Variants in ERC2 observed in about 807,000 individuals in gnomAD.
ERC2 encodes the protein ELKS/RAB6-interacting/CAST family member 2, also known as ERC protein 2.
ERC2 carries 42 observed loss-of-function variants against 114.8 expected under a neutral mutation model. The observed-to-expected ratio is 0.37, with a 90% confidence interval of 0.29 to 0.47. The LOEUF (loss-of-function observed/expected upper bound fraction) is 0.47, where lower values mean the gene tolerates loss of function less well. Ranked by LOEUF, ERC2 falls within the 20% of genes least tolerant of loss-of-function variation. The pLI is 0.99. For missense variants in ERC2, 939 were observed against 1,150.7 expected, an observed-to-expected ratio of 0.82 and a Z score of 2.66; for synonymous variants, 454 against 425.5, an observed-to-expected ratio of 1.07 and a Z score of -0.82.
At chr3:56,043,710 C>A (rs1256271587) in intron 7 of ERC2, among the ~76,000 whole-genome samples, 1 of 152,108 alleles carries the variant, frequency 6.6e-6, no homozygotes, top group Non-Finnish European at 1.5e-5. Context: ...CCCTCTAACT[C>A]TATTCTAAAC....
intron 15 of ERC2, among the ~76,000 whole-genome samples, chr3:55,707,594 T>A (rs1476365729): frequency 6.6e-6 from 1 of 152,220 alleles, no homozygotes; most frequent in East Asian, 1.9e-4. Context: ...AAGAGTTCTA[T>A]GTGCTCTGCT....
chr3:56,402,491 C>A (rs1002072495), intron 2 of ERC2, among the ~76,000 whole-genome samples: 1 of 152,112 alleles, frequency 6.6e-6, no homozygotes, highest in Admixed American at 6.5e-5. Flanking sequence ...AAAGTCAAGT[C>A]CCGCCTCCTA....
chr3:55,914,028 T>G (rs1418889927), intron 13 of ERC2, among the ~76,000 whole-genome samples: 1 of 152,176 alleles, frequency 6.6e-6, no homozygotes, highest in East Asian at 1.9e-4. Flanking sequence ...AATTTTTTTT[T>G]TTTTAAAGAT....
At chr3:55,604,555 C>T (rs1005337263) in intron 17 of ERC2, among the ~76,000 whole-genome samples, 2 of 152,112 alleles carry the variant, frequency 1.3e-5, no homozygotes, top group African/African-American at 4.8e-5. Context: ...TGCAGCATGG[C>T]ACGGCACTGG....
intron 17 of ERC2, chr3:55,657,617 G>C (rs756244512): frequency 3.0e-4 from 46 of 151,952 alleles, no homozygotes; most frequent in African/African-American, 1.1e-3. Context: ...CACCATGCCC[G>C]GCTAATTTTT....
intron 3 of ERC2, among the ~76,000 whole-genome samples, chr3:56,291,609 T>G (rs538797123): frequency 1.3e-5 from 2 of 152,206 alleles, no homozygotes; most frequent in Admixed American, 1.3e-4. Flanking sequence ...CCACTAGCAC[T>G]CCATTCCCCA....
At chr3:56,413,086 C>G (rs1464043338) in intron 2 of ERC2, among the ~76,000 whole-genome samples, 3 of 152,164 alleles carry the variant, frequency 2.0e-5, no homozygotes, top group African/African-American at 4.8e-5. Flanking sequence ...AGCCAGAGAC[C>G]AGGACATTGA....
In ERC2 at chr3:55,631,454, A is replaced by G. The variant is rs892056252; in HGVS notation, c.*39+52340T>C. Among the ~76,000 whole-genome samples, 6 of 152,316 alleles carry G rather than the reference A, an allele frequency of 3.9e-5. No individual in the cohort carries two copies. In the South Asian group the frequency reaches 1.0e-3, roughly 26 times the overall value. On this transcript the variant is annotated intron_variant, in intron 17 of 17. Transcript: ENST00000288221. ...TTGTGGACCTTCCAGGAAGAAAGGA[A>G]AAATATTGCCTGACACCTCCAGGTT...
intron 6 of ERC2, among the ~76,000 whole-genome samples, chr3:56,084,558 A>G (rs1015143390): frequency 6.6e-6 from 1 of 152,196 alleles, no homozygotes; most frequent in Non-Finnish European, 1.5e-5. Flanking sequence ...AGCAACCTGG[A>G]TGGAACTTCA....
intron 6 of ERC2, among the ~76,000 whole-genome samples, chr3:56,106,399 G>A (rs2078666636): frequency 6.6e-6 from 1 of 152,224 alleles, no homozygotes; most frequent in African/African-American, 2.4e-5. Context: ...TGGGAAGAAG[G>A]AACCAAAAGT....
intron 14 of ERC2, among the ~76,000 whole-genome samples, chr3:55,797,822 ATAAT>A (rs1446479809): frequency 6.6e-6 from 1 of 152,236 alleles, no homozygotes; most frequent in Admixed American, 6.5e-5. Context: ...TAGAAATAAA[ATAAT>A]TAAATGAAAA....
intron 12 of ERC2, among the ~76,000 whole-genome samples, chr3:55,961,107 C>G (rs1400811057): frequency 6.6e-6 from 1 of 152,226 alleles, no homozygotes; most frequent in Non-Finnish European, 1.5e-5. Context: ...AATGAAAGAA[C>G]AAAACTTTGT....
intron 17 of ERC2, among the ~76,000 whole-genome samples, chr3:55,542,295 C>T (rs779646955): frequency 4.6e-5 from 7 of 152,116 alleles, no homozygotes; most frequent in Non-Finnish European, 8.8e-5. Flanking sequence ...GGGAACATTG[C>T]CCAAGATGGT....
intron 2 of ERC2, among the ~76,000 whole-genome samples, chr3:56,399,008 T>C (rs1322404474): frequency 4.6e-5 from 7 of 152,170 alleles, no homozygotes; most frequent in African/African-American, 1.7e-4. Context: ...TCCCAGTTCT[T>C]CCTCTGTACA....
intron 16 of ERC2, among the ~76,000 whole-genome samples, chr3:55,686,058 T>G (rs936593008): frequency 2.0e-5 from 3 of 152,194 alleles, no homozygotes; most frequent in African/African-American, 4.8e-5. Flanking sequence ...TATTAAAAAG[T>G]GGTAATTAAT....
intron 2 of ERC2, among the ~76,000 whole-genome samples, chr3:56,430,756 T>C (rs1378898690): frequency 1.3e-5 from 2 of 152,164 alleles, no homozygotes; most frequent in African/African-American, 4.8e-5. Flanking sequence ...ACCACTGCAC[T>C]CCAGCCTAGG....
chr3:56,072,032 T>C (rs2076762968), intron 7 of ERC2: 1 of 152,220 alleles, frequency 6.6e-6, no homozygotes, highest in South Asian at 2.1e-4. Flanking sequence ...GGTGATTACT[T>C]GCCCTGTGGA....
intron 15 of ERC2, among the ~76,000 whole-genome samples, chr3:55,734,042 C>T (rs2065470082): frequency 6.6e-6 from 1 of 152,184 alleles, no homozygotes; most frequent in African/African-American, 2.4e-5. Context: ...TTCCAATATA[C>T]TTCAGGTGTA....
chr3:56,151,102 C>T (rs1303399295), intron 4 of ERC2, among the ~76,000 whole-genome samples: 1 of 152,146 alleles, frequency 6.6e-6, no homozygotes, highest in African/African-American at 2.4e-5. Flanking sequence ...AACAAATCTC[C>T]ATTATTGAAG....
Sources: allele counts gnomAD v4.1 joint callset (sites outside exome capture counted in the v4.1 genomes callset), GRCh38; gene constraint gnomAD v4.1.1; transcripts MANE v1.5; gene names NCBI Gene and HGNC (gene_info 2026-07-23, HGNC 2026-07-21).